The following JAZF1 variants were observed in gnomAD, a reference collection of about 807,000 sequenced individuals.
JAZF1 encodes juxtaposed with another zinc finger protein 1.
Under a neutral mutation model 26.4 loss-of-function variants are expected in JAZF1, and 8 were observed. That is an observed-to-expected ratio of 0.30 (90% CI 0.18 to 0.55). The LOEUF is 0.55. Ranked by LOEUF, JAZF1 falls within the 20% of genes least tolerant of loss-of-function variation. JAZF1 has a pLI of 0.94. For missense variants in JAZF1, 199 were observed against 322.0 expected (o/e 0.62, Z 2.92); for synonymous variants, 126 against 122.3 (o/e 1.03, Z -0.20).
At chr7:27,854,581 C>T (rs1056321281) in intron 3 of JAZF1, among the ~76,000 whole-genome samples, 18 of 152,190 alleles carry the variant, frequency 1.2e-4, no homozygotes, top group African/African-American at 4.3e-4. Flanking sequence ...CAAAATCTCT[C>T]AGCATTTGCT....
At chr7:28,093,813 GT>G (rs1231072243) in intron 1 of JAZF1, among the ~76,000 whole-genome samples, 1 of 152,192 alleles carries the variant, frequency 6.6e-6, no homozygotes, top group African/African-American at 2.4e-5. Context: ...TTCAAATGCT[GT>G]AGCGCCCCCC....
chr7:28,136,055 T>A (rs1374116890), intron 1 of JAZF1, among the ~76,000 whole-genome samples: 1 of 152,220 alleles, frequency 6.6e-6, no homozygotes. Context: ...TTCTGAAATG[T>A]ATGGATAGCA....
chr7:27,974,315 C>G (rs1785430165), intron 2 of JAZF1, among the ~76,000 whole-genome samples: 1 of 152,122 alleles, frequency 6.6e-6, no homozygotes, highest in Non-Finnish European at 1.5e-5. Context: ...AGGGACGAAA[C>G]TTAGGGAGAG....
chr7:27,916,148 C>T (rs1784441126), intron 2 of JAZF1, among the ~76,000 whole-genome samples: 1 of 151,940 alleles, frequency 6.6e-6, no homozygotes, highest in Non-Finnish European at 1.5e-5. Context: ...CATTCTTAGA[C>T]TCTCTCCAAA....
chr7:28,078,201 TACGGGC>T (rs1784084696), intron 1 of JAZF1, among the ~76,000 whole-genome samples: 2 of 152,352 alleles, frequency 1.3e-5, no homozygotes, highest in South Asian at 2.1e-4. Flanking sequence ...ATGTACCACT[TACGGGC>T]AGGATGGTAT....
At chr7:27,922,290 G>A (rs559931295) in intron 2 of JAZF1, among the ~76,000 whole-genome samples, 1 of 152,286 alleles carries the variant, frequency 6.6e-6, no homozygotes, top group South Asian at 2.1e-4. Flanking sequence ...AGTCGCCCAG[G>A]CTGGAGTGCA....
chr7:28,179,494 C>T (rs903132807), intron 1 of JAZF1, among the ~76,000 whole-genome samples: 22 of 152,100 alleles, frequency 1.4e-4, no homozygotes, highest in Admixed American at 1.2e-3. Flanking sequence ...CAGCGCACCT[C>T]GGGCCTAGCA....
intron 3 of JAZF1, among the ~76,000 whole-genome samples, chr7:27,862,764 T>C (rs1204973481): frequency 1.3e-5 from 2 of 152,240 alleles, no homozygotes; most frequent in Non-Finnish European, 2.9e-5. Context: ...TTTATCTTTG[T>C]GGCTTATGAT....
At chr7:27,845,073 GA>G (rs1782993246) in intron 3 of JAZF1, among the ~76,000 whole-genome samples, 1 of 152,206 alleles carries the variant, frequency 6.6e-6, no homozygotes, top group Admixed American at 6.5e-5. Context: ...CCCGAGACAA[GA>G]AATGTTAATT....
intron 1 of JAZF1, among the ~76,000 whole-genome samples, chr7:28,110,659 A>C (rs1400488139): frequency 1.3e-5 from 2 of 151,852 alleles, no homozygotes; most frequent in Non-Finnish European, 2.9e-5. Context: ...AGGAAAGGAA[A>C]AGAAAAGTTA....
At chr7:28,138,840 C>CATATTTATAAAATATTTATAA (rs1782923177) in intron 1 of JAZF1, among the ~76,000 whole-genome samples, 1 of 152,224 alleles carries the variant, frequency 6.6e-6, no homozygotes, top group African/African-American at 2.4e-5. Flanking sequence ...GATTTGCCCT[C>CATATTTATAAAATATTTATAA]AGTTTACATA....
In JAZF1 at chr7:27,831,165, T is replaced by A. The variant is rs538228114; in HGVS notation, c.*1635A>T. On this transcript the variant is annotated 3_prime_UTR_variant, in exon 5 of 5. Transcript: ENST00000283928. The stretch of plus-strand genomic sequence containing the variant: ...ATCTGAGGAAATTTTTAGAGGGCAG[T>A]GTTTTTATAAATACTTTGAATCCCT... 6.6e-4 allele frequency: 147 copies of A among 223,382 alleles called. 1 individual carries two copies. The highest frequency in any genetic ancestry group is 5.5e-3 in the South Asian group (30 of 5,440). The allele number at this position is 223,382 out of a possible 1,614,324, so 13.8% of individuals were successfully genotyped here.
intron 2 of JAZF1, among the ~76,000 whole-genome samples, chr7:27,945,164 C>T (rs1285916008): frequency 1.3e-5 from 2 of 151,854 alleles, no homozygotes; most frequent in Admixed American, 6.6e-5. Flanking sequence ...GTTTCAGGGC[C>T]GGGGTTTAAG....
At chr7:27,862,349 C>G (rs1583436058) in intron 3 of JAZF1, among the ~76,000 whole-genome samples, 1 of 152,056 alleles carries the variant, frequency 6.6e-6, no homozygotes, top group East Asian at 1.9e-4. Flanking sequence ...CAACCCTTGT[C>G]CCCTCCCGCC....
chr7:27,969,755 T>G (rs1785343646), intron 2 of JAZF1, among the ~76,000 whole-genome samples: 1 of 152,108 alleles, frequency 6.6e-6, no homozygotes, highest in African/African-American at 2.4e-5. Flanking sequence ...CTGTGTAAAT[T>G]CTGAGCTGCA....
At position 28,067,460 on chromosome 7, in the gene JAZF1, C is replaced by T. The variant is rs111727866; in HGVS notation, c.116-75479G>A. 8.8e-3 allele frequency among the ~76,000 whole-genome samples: 1,339 copies of T among 152,316 alleles called. 20 individuals carry two copies. Among genetic ancestry groups the T allele is most frequent in the African/African-American group, 0.031 (1,272 of 41,562 alleles). On this transcript the variant is annotated intron_variant, in intron 1 of 4. Coordinates refer to ENST00000283928, the MANE Select transcript of JAZF1 (RefSeq NM_175061.4). ...TCCAGCAACTAAAGAGGTGACCACA[C>T]AGCACAGCCAAAGCCCTGTGAGAAT...
chr7:27,915,076 T>G (rs1185448798), intron 2 of JAZF1, among the ~76,000 whole-genome samples: 1 of 152,198 alleles, frequency 6.6e-6, no homozygotes, highest in African/African-American at 2.4e-5. Flanking sequence ...GATGATTCCT[T>G]CAAGCAGGCC....
chr7:27,854,602 G>A (rs1783210506), intron 3 of JAZF1, among the ~76,000 whole-genome samples: 1 of 152,186 alleles, frequency 6.6e-6, no homozygotes, highest in Non-Finnish European at 1.5e-5. Context: ...TCTCTGTAAA[G>A]GATGTTATTT....
intron 2 of JAZF1, among the ~76,000 whole-genome samples, chr7:27,966,329 C>T (rs1785274876): frequency 6.6e-6 from 1 of 152,198 alleles, no homozygotes; most frequent in Admixed American, 6.5e-5. Context: ...ACCAGCCTTA[C>T]ATGATTTATA....
Sources: gnomAD v4.1 joint callset for allele counts (sites outside exome capture counted in the v4.1 genomes callset) on GRCh38, gnomAD v4.1.1 for gene constraint, MANE v1.5 for transcripts, NCBI Gene and HGNC (gene_info 2026-07-23, HGNC 2026-07-21) for gene names.